XIRP2: variants seen among roughly 807,000 people sequenced by gnomAD.
XIRP2 encodes xin actin-binding repeat-containing protein 2.
Under a neutral mutation model 277.0 loss-of-function variants are expected in XIRP2, and 236 were observed. The ratio of observed to expected loss-of-function variants is 0.85; its 90% confidence interval spans 0.77 to 0.95. XIRP2 has a LOEUF of 0.95. Ranked by LOEUF, XIRP2 falls within the 40% of genes least tolerant of loss-of-function variation. The pLI, the probability that XIRP2 is intolerant of heterozygous loss-of-function variation, is 0.00. For missense variants in XIRP2, 4,640 were observed against 4,157.5 expected, an observed-to-expected ratio of 1.12 and a Z score of -3.19; for synonymous variants, 1,490 against 1,416.5, an observed-to-expected ratio of 1.05 and a Z score of -1.17.
chr2:166,924,522 T>C (rs181556922), intron 2 of XIRP2, among the ~76,000 whole-genome samples: 5 of 152,146 alleles, frequency 3.3e-5, no homozygotes, highest in Admixed American at 3.3e-4. Context: ...GACAAATATA[T>C]GTATATTTAT....
intron 2 of XIRP2, among the ~76,000 whole-genome samples, chr2:166,978,572 A>G (rs1457495623): frequency 6.6e-6 from 1 of 152,162 alleles, no homozygotes; most frequent in Admixed American, 6.5e-5. Context: ...GTTTGTGTGA[A>G]GTCTTGCACA....
chr2:167,067,752 T>A (rs930445285), intron 2 of XIRP2, among the ~76,000 whole-genome samples: 2 of 152,198 alleles, frequency 1.3e-5, no homozygotes, highest in Non-Finnish European at 2.9e-5. Flanking sequence ...AAATGCACTA[T>A]CTGTGAAGTG....
intron 2 of XIRP2, among the ~76,000 whole-genome samples, chr2:167,084,420 T>G (rs1689857721): frequency 6.6e-6 from 1 of 151,564 alleles, no homozygotes; most frequent in South Asian, 2.1e-4. Context: ...GTTGTGTCTC[T>G]GCCCGGCTTT....
intron 2 of XIRP2, among the ~76,000 whole-genome samples, chr2:166,948,485 T>A (rs1180999369): frequency 6.6e-6 from 1 of 152,096 alleles, no homozygotes; most frequent in African/African-American, 2.4e-5. Context: ...TTGGAGAAGA[T>A]ACGTCAAACC....
intron 2 of XIRP2, among the ~76,000 whole-genome samples, chr2:167,000,553 G>T (rs1412915352): frequency 6.7e-6 from 1 of 149,864 alleles, no homozygotes; most frequent in East Asian, 2.0e-4. Context: ...CTTTAGAAGT[G>T]GTATGGATTC....
intron 5 of XIRP2, among the ~76,000 whole-genome samples, chr2:167,238,649 T>C (rs1279699071): frequency 6.6e-6 from 1 of 152,190 alleles, no homozygotes; most frequent in East Asian, 1.9e-4. Flanking sequence ...CTATTTTAAT[T>C]AATAATGATA....
At chr2:167,099,579 C>T (rs964988791) in intron 2 of XIRP2, among the ~76,000 whole-genome samples, 6 of 152,042 alleles carry the variant, frequency 3.9e-5, no homozygotes, top group Admixed American at 6.5e-5. Flanking sequence ...ACAGCTAGCT[C>T]GGTGTCTGCC....
chr2:166,894,033 T>A (rs1309678023), intron 1 of XIRP2, among the ~76,000 whole-genome samples: 1 of 152,128 alleles, frequency 6.6e-6, no homozygotes, highest in Non-Finnish European at 1.5e-5. Context: ...CAAAGATAAT[T>A]TTTCTCTGAG....
At chr2:167,149,965 A>G (rs1016907623) in intron 3 of XIRP2, among the ~76,000 whole-genome samples, 5 of 152,058 alleles carry the variant, frequency 3.3e-5, no homozygotes, top group African/African-American at 1.2e-4. Flanking sequence ...CAACAAAAAA[A>G]CTAGAAATGG....
intron 2 of XIRP2, among the ~76,000 whole-genome samples, chr2:167,086,589 G>C (rs372571186): frequency 1.3e-5 from 2 of 151,896 alleles, no homozygotes; most frequent in Non-Finnish European, 2.9e-5. Context: ...CCAATCAGAC[G>C]TAGATTTGGT....
At chr2:167,237,179 C>T (rs2105425140) in intron 5 of XIRP2, among the ~76,000 whole-genome samples, 1 of 152,236 alleles carries the variant, frequency 6.6e-6, no homozygotes, top group East Asian at 1.9e-4. Flanking sequence ...GTGTCATCTC[C>T]TACAAGAAAA....
Position 167,251,959 on chromosome 2 carries a change from T to C in XIRP2, c.10555+12T>C. On this transcript the variant is annotated intron_variant, in intron 9 of 10. Transcript: ENST00000409195. ...TGCATTTATAAGTGGTAAATGAGCT[T>C]GCAATGTGTTAAAGAAGATTAACCA... The C allele has an allele frequency of 1.3e-6, 2 of 1,533,994 alleles. No individual in the cohort carries two copies. The highest frequency in any genetic ancestry group is 1.4e-5 in the African/African-American group (1 of 72,038).
intron 2 of XIRP2, among the ~76,000 whole-genome samples, chr2:167,041,856 A>G (rs999081351): frequency 1.3e-5 from 2 of 152,288 alleles, no homozygotes; most frequent in Admixed American, 1.3e-4. Context: ...CATATGAGAT[A>G]CCATCACAAA....
chr2:167,022,045 T>C (rs879362232), intron 2 of XIRP2, among the ~76,000 whole-genome samples: 14 of 152,118 alleles, frequency 9.2e-5, no homozygotes, highest in Non-Finnish European at 1.8e-4. Context: ...TTTCATGTAA[T>C]ATATTAATGA....
intron 5 of XIRP2, among the ~76,000 whole-genome samples, chr2:167,230,247 T>G (rs890875014): frequency 3.3e-5 from 5 of 152,146 alleles, no homozygotes; most frequent in African/African-American, 7.2e-5. Context: ...GAGAGATTGT[T>G]GGAACTTCAA....
In XIRP2 at chr2:167,248,735, C is replaced by A. The variant is rs764812889; in HGVS notation, c.7343C>A (p.Thr2448Asn). 38 of 1,613,680 alleles carry A rather than the reference C, an allele frequency of 2.4e-5. No homozygotes were observed. In the South Asian group the frequency reaches 3.5e-4, roughly 15 times the overall value. ...TTTTCCCCCAAAGTTGAACTGGCAA[C>A]CTCCCTGTCAGATATGGAATGTAAA... is the stretch of plus-strand genomic sequence containing the variant. ...NDFSPKVELA[T>N]SLSDMECKIT... Residue 2448 changes from threonine to asparagine, a missense_variant, in exon 9 of 11, where the codon ACC becomes AAC. By Grantham distance (65) the Thr-to-Asn change is moderately conservative. Coordinates refer to ENST00000409195, the MANE Select transcript of XIRP2 (RefSeq NM_152381.6).
At chr2:166,958,526 A>T in intron 2 of XIRP2, among the ~76,000 whole-genome samples, 1 of 151,690 alleles carries the variant, frequency 6.6e-6, no homozygotes, top group East Asian at 1.9e-4. Context: ...TGGTCTTGGC[A>T]CTTCAGTGTG....
intron 2 of XIRP2, among the ~76,000 whole-genome samples, chr2:167,023,969 T>G (rs201119621): frequency 0.071 from 10,839 of 151,970 alleles, 720 homozygotes; most frequent in East Asian, 0.34. Context: ...GAACTTTAAA[T>G]TAGTTTTTTC....
chr2:167,206,812 T>G (rs985617092), intron 3 of XIRP2, among the ~76,000 whole-genome samples: 1 of 152,240 alleles, frequency 6.6e-6, no homozygotes, highest in Non-Finnish European at 1.5e-5. Flanking sequence ...GCAACTACAA[T>G]TTAAGAATGT....
Sources: allele counts gnomAD v4.1 joint callset (sites outside exome capture counted in the v4.1 genomes callset), GRCh38; gene constraint gnomAD v4.1.1; transcripts MANE v1.5; gene names NCBI Gene and HGNC (gene_info 2026-07-23, HGNC 2026-07-21).